Variants in DLG2 observed in about 807,000 individuals in gnomAD.
DLG2 encodes disks large homolog 2.
DLG2 carries 45 observed loss-of-function variants against 132.5 expected under a neutral mutation model. The ratio of observed to expected loss-of-function variants is 0.34; its 90% CI spans 0.27 to 0.44. The LOEUF (loss-of-function observed/expected upper bound fraction) is 0.44, where lower values mean the gene tolerates loss of function less well. DLG2 is among the 20% of genes least tolerant of loss of function. The pLI is 1.00. For missense variants in DLG2, 1,045 were observed against 1,196.9 expected (o/e 0.87, Z 1.87); for synonymous variants, 424 against 419.6 (o/e 1.01, Z -0.13).
intron 7 of DLG2, among the ~76,000 whole-genome samples, chr11:84,325,567 T>C (rs2154398750): frequency 6.6e-6 from 1 of 152,356 alleles, no homozygotes; most frequent in African/African-American, 2.4e-5. Context: ...AAATTTCGTA[T>C]GTTGAACCAT....
At chr11:83,561,348 G>C (rs2096607055) in intron 19 of DLG2, among the ~76,000 whole-genome samples, 1 of 152,104 alleles carries the variant, frequency 6.6e-6, no homozygotes, top group African/African-American at 2.4e-5. Context: ...CACCCATCCA[G>C]GACTCAGAGG....
intron 3 of DLG2, among the ~76,000 whole-genome samples, chr11:85,471,772 G>A (rs57181789): frequency 0.01 from 1,575 of 151,514 alleles, 26 homozygotes; most frequent in African/African-American, 0.036. Flanking sequence ...TATGAGAGAA[G>A]CAATAATCAA....
chr11:83,978,131 T>C (rs2092443040), intron 12 of DLG2, among the ~76,000 whole-genome samples: 1 of 151,942 alleles, frequency 6.6e-6, no homozygotes, highest in South Asian at 2.1e-4. Flanking sequence ...AAAAATAGTG[T>C]AGTGCCTGGA....
intron 11 of DLG2, among the ~76,000 whole-genome samples, chr11:83,991,577 T>G (rs1480658644): frequency 6.6e-6 from 1 of 152,112 alleles, no homozygotes; most frequent in African/African-American, 2.4e-5. Flanking sequence ...TTCCTTAGCC[T>G]CAATGCTTTT....
At chr11:84,265,804 T>G (rs2097619295) in intron 7 of DLG2, among the ~76,000 whole-genome samples, 1 of 152,122 alleles carries the variant, frequency 6.6e-6, no homozygotes, top group South Asian at 2.1e-4. Context: ...CCATTGCTCC[T>G]AAGCATCTTC....
intron 7 of DLG2, among the ~76,000 whole-genome samples, chr11:84,507,832 C>T (rs563045588): frequency 2.2e-3 from 333 of 152,218 alleles, no homozygotes; most frequent in Admixed American, 6.5e-3. Flanking sequence ...TGCTTTATCA[C>T]GGTGTATTAA....
intron 19 of DLG2, among the ~76,000 whole-genome samples, chr11:83,575,756 AAGCAAAACTTGAAGAGATC>A (rs1193954675): frequency 6.6e-6 from 1 of 152,068 alleles, no homozygotes; most frequent in Non-Finnish European, 1.5e-5. Context: ...AAAAATTTAA[AAGCAAAACTTGAAGAGATC>A]AGCAAAACTT....
intron 3 of DLG2, among the ~76,000 whole-genome samples, chr11:85,576,273 G>A (rs909083294): frequency 6.6e-5 from 10 of 152,076 alleles, no homozygotes; most frequent in Non-Finnish European, 1.3e-4. Context: ...TACTTTAATA[G>A]GTCTATCAAT....
At chr11:83,547,673 A>G (rs920378581) in intron 19 of DLG2, among the ~76,000 whole-genome samples, 1 of 152,184 alleles carries the variant, frequency 6.6e-6, no homozygotes, top group African/African-American at 2.4e-5. Context: ...TTGAGCCTCT[A>G]GAAGGGTTAC....
intron 4 of DLG2, among the ~76,000 whole-genome samples, chr11:85,228,497 A>G (rs190834482): frequency 2.0e-5 from 3 of 152,146 alleles, no homozygotes; most frequent in Non-Finnish European, 2.9e-5. Flanking sequence ...AATCTTTTTA[A>G]CCTTTGTTGG....
intron 4 of DLG2, among the ~76,000 whole-genome samples, chr11:85,196,945 C>A (rs1034566301): frequency 7.2e-5 from 11 of 152,110 alleles, no homozygotes; most frequent in African/African-American, 2.7e-4. Context: ...AAAGAATCAA[C>A]CATATCTGTT....
intron 19 of DLG2, among the ~76,000 whole-genome samples, chr11:83,601,472 A>G (rs2058528391): frequency 6.6e-6 from 1 of 151,274 alleles, no homozygotes; most frequent in South Asian, 2.1e-4. Flanking sequence ...TAATCAGCCA[A>G]ATATGAGAAT....
intron 7 of DLG2, among the ~76,000 whole-genome samples, chr11:84,380,513 TAAAG>T (rs952525464): frequency 5.3e-5 from 8 of 151,980 alleles, no homozygotes; most frequent in African/African-American, 1.9e-4. Flanking sequence ...ACACAGGAGT[TAAAG>T]AAGAAAACTA....
At chr11:83,778,517 T>C (rs897840417) in intron 18 of DLG2, among the ~76,000 whole-genome samples, 2 of 152,182 alleles carry the variant, frequency 1.3e-5, no homozygotes, top group African/African-American at 2.4e-5. Context: ...AAAGTTTTTA[T>C]GGGGATGTTC....
intron 6 of DLG2, among the ~76,000 whole-genome samples, chr11:85,091,200 T>A (rs1214926978): frequency 6.6e-6 from 1 of 152,220 alleles, no homozygotes; most frequent in African/African-American, 2.4e-5. Flanking sequence ...CCAGTGCATA[T>A]AAAAGTTACA....
intron 6 of DLG2, chr11:85,020,977 T>G: frequency 5.1e-6 from 4 of 778,876 alleles, no homozygotes; most frequent in Non-Finnish European, 9.5e-6. Flanking sequence ...ACGGAGCTGC[T>G]GCTCTGCTCC....
intron 15 of DLG2, among the ~76,000 whole-genome samples, chr11:83,903,057 T>C (rs1361792930): frequency 1.3e-5 from 2 of 152,138 alleles, no homozygotes; most frequent in South Asian, 4.1e-4. Flanking sequence ...TATTTCTGGA[T>C]GAGAAATGTG....
intron 18 of DLG2, among the ~76,000 whole-genome samples, chr11:83,694,700 G>A (rs1261624664): frequency 6.6e-6 from 1 of 151,790 alleles, no homozygotes; most frequent in African/African-American, 2.4e-5. Flanking sequence ...ATTTTGAAGC[G>A]ATTTTTGAAC....
At chr11:83,721,440 T>C (rs2088524910) in intron 18 of DLG2, among the ~76,000 whole-genome samples, 1 of 152,200 alleles carries the variant, frequency 6.6e-6, no homozygotes, top group South Asian at 2.1e-4. Context: ...AATTCACAAA[T>C]TTCTACACAA....
Sources: allele counts gnomAD v4.1 joint callset (sites outside exome capture counted in the v4.1 genomes callset), GRCh38; gene constraint gnomAD v4.1.1; transcripts MANE v1.5; gene names NCBI Gene and HGNC (gene_info 2026-07-23, HGNC 2026-07-21).